The following CDH10 variants were observed in gnomAD, a reference collection of about 807,000 sequenced individuals.
The protein encoded by CDH10 is cadherin-10.
CDH10 carries 30 observed loss-of-function variants against 73.1 expected under a neutral mutation model. The ratio of observed to expected loss-of-function variants is 0.41; its 90% CI spans 0.31 to 0.56. CDH10 has a LOEUF of 0.56. CDH10 is among the 20% of genes least tolerant of loss of function. The probability of loss-of-function intolerance (pLI) is 0.27; values close to 1 mark genes in which losing one functional copy is unlikely to be tolerated. For synonymous variants in CDH10, 345 were observed against 348.2 expected (o/e 0.99, Z 0.10); for missense variants, 815 against 973.7 (o/e 0.84, Z 2.17).
At chr5:24,493,157 A>C (rs1367572410) in intron 9 of CDH10, among the ~76,000 whole-genome samples, 1 of 151,986 alleles carries the variant, frequency 6.6e-6, no homozygotes, top group African/African-American at 2.4e-5. Flanking sequence ...GGTAAATAAA[A>C]AATATATTAT....
chr5:24,487,903 G>A lies in CDH10; in HGVS notation c.2127C>T (p.Asp709=), dbSNP rs752982862. Residue 709 remains aspartate (D), a synonymous_variant, in exon 12 of 12, where the codon GAC becomes GAT. Transcript: ENST00000264463. The part of the protein sequence containing the change: ...RRTPTAPDNT[D]VRDFINERLK... ...GCCTTTCATTAATGAAATCCCGGAC[G>A]TCCGTGTTATCTGGAGCTGTAGGAG... 19 of 1,613,650 alleles carry A rather than the reference G, an allele frequency of 1.2e-5. No homozygotes were observed. In the East Asian group the frequency reaches 1.8e-4, roughly 15 times the overall value.
Position 24,548,113 on chromosome 5 carries a change from C to T in CDH10, c.232-10439G>A, listed in dbSNP as rs992946314. ...ACAGACTAGGCCACCACATGGGAAC[C>T]TCAGCAGGGTTTCTTTTCTCTTTTT... is the stretch of plus-strand genomic sequence containing the variant. On this transcript the variant is annotated intron_variant, in intron 2 of 11. Coordinates refer to ENST00000264463, the MANE Select transcript of CDH10 (RefSeq NM_006727.5). Among the ~76,000 whole-genome samples the T allele has an allele frequency of 2.6e-5, 4 of 152,074 alleles. No homozygotes were observed. In the East Asian group the frequency reaches 7.7e-4, roughly 29 times the overall value.
chr5:24,498,630 A>G lies in CDH10; in HGVS notation c.1394-111T>C. 7.3e-6 allele frequency: 5 copies of G among 680,760 alleles called. No homozygotes were observed. In the East Asian group the frequency reaches 1.0e-4, roughly 14 times the overall value. 42.2% of individuals were successfully genotyped at this position (680,760 alleles called of 1,614,324 possible). A position where few individuals can be genotyped will look rare whatever the true frequency, so the allele number is the denominator to read the frequency against. On this transcript the variant is annotated intron_variant, in intron 8 of 11. Transcript: ENST00000264463. ...TGCTCACATACAAATAAGCATTGCA[A>G]TCATTCTACTAATATAATGAGCAAA...
At chr5:24,515,543 G>A (rs1409820957) in intron 5 of CDH10, among the ~76,000 whole-genome samples, 1 of 152,122 alleles carries the variant, frequency 6.6e-6, no homozygotes, top group Non-Finnish European at 1.5e-5. Context: ...CTTATGTAAA[G>A]TTTAGTTTAT....
Position 24,585,359 on chromosome 5 carries a change from C to T in CDH10, c.231+7901G>A, listed in dbSNP as rs757430003. Among the ~76,000 whole-genome samples the T allele has an allele frequency of 3.3e-5, 5 of 152,268 alleles. No homozygotes were observed. In the South Asian group the frequency reaches 8.3e-4, roughly 25 times the overall value. Reference sequence around the variant, plus strand: ...ATCAATTCCTTGGAACGTTTTGCTTCTTTGGCCTCTAGAAGGGTCATAGTC... The same window carrying T: ...ATCAATTCCTTGGAACGTTTTGCTTTTTTGGCCTCTAGAAGGGTCATAGTC... On this transcript the variant is annotated intron_variant, in intron 2 of 11. Coordinates refer to ENST00000264463, the MANE Select transcript of CDH10 (RefSeq NM_006727.5).
chr5:24,526,751 A>C (rs931298409), intron 5 of CDH10, among the ~76,000 whole-genome samples: 1 of 151,856 alleles, frequency 6.6e-6, no homozygotes, highest in African/African-American at 2.4e-5. Context: ...CTATCAAAAT[A>C]ATTGGTCAAA....
chr5:24,504,822 C>A (rs1742645588), intron 8 of CDH10, among the ~76,000 whole-genome samples: 1 of 151,960 alleles, frequency 6.6e-6, no homozygotes, highest in African/African-American at 2.4e-5. Context: ...CCGTGCCCGG[C>A]CTGTTAATCT....
intron 9 of CDH10, among the ~76,000 whole-genome samples, chr5:24,494,447 A>G (rs1742187738): frequency 6.6e-6 from 1 of 151,986 alleles, no homozygotes; most frequent in Non-Finnish European, 1.5e-5. Flanking sequence ...AAGACAGTAG[A>G]CTACTAGAAA....
chr5:24,618,051 A>G (rs764942257), intron 1 of CDH10, among the ~76,000 whole-genome samples: 2 of 152,156 alleles, frequency 1.3e-5, no homozygotes, highest in East Asian at 1.9e-4. Flanking sequence ...AGAGTGTCCA[A>G]TTTCAATGTG....
At chr5:24,559,513 A>G (rs1473909863) in intron 2 of CDH10, among the ~76,000 whole-genome samples, 1 of 152,066 alleles carries the variant, frequency 6.6e-6, no homozygotes, top group Non-Finnish European at 1.5e-5. Flanking sequence ...TTCACACTGC[A>G]GTACTTTATG....
At chr5:24,506,831 G>A (rs144093645) in intron 7 of CDH10, among the ~76,000 whole-genome samples, 67 of 152,270 alleles carry the variant, frequency 4.4e-4, no homozygotes, top group South Asian at 1.5e-3. Flanking sequence ...CAATAAAAGC[G>A]TCTGCTGTCA....
At chr5:24,623,059 A>G (rs1362522124) in intron 1 of CDH10, among the ~76,000 whole-genome samples, 7 of 152,068 alleles carry the variant, frequency 4.6e-5, no homozygotes. Flanking sequence ...AAGGGAGAAA[A>G]TGCTATGCCT....
chr5:24,612,858 T>G (rs1472662474), intron 1 of CDH10: 2 of 152,184 alleles, frequency 1.3e-5, no homozygotes, highest in Non-Finnish European at 2.9e-5. Context: ...AAAATATTTG[T>G]GGTAATCAGA....
rs148177367 is a variant in CDH10, at chr5:24,524,776, G to A, written c.814+10336C>T. Among the ~76,000 whole-genome samples the A allele has an allele frequency of 3.9e-5, 6 of 152,164 alleles. No individual in the cohort carries two copies. In the East Asian group the frequency reaches 5.8e-4, roughly 15 times the overall value. ...AAGTAAAAATCTAGAAGGTAACATCGCAAAGAAAGCTTCCTAAGGACTGAG... is the reference window on the plus strand; with the variant it reads ...AAGTAAAAATCTAGAAGGTAACATCACAAAGAAAGCTTCCTAAGGACTGAG... On this transcript the variant is annotated intron_variant, in intron 5 of 11. Coordinates refer to ENST00000264463, the MANE Select transcript of CDH10 (RefSeq NM_006727.5).
At chr5:24,489,787 A>T (rs547995541) in intron 11 of CDH10, among the ~76,000 whole-genome samples, 4 of 152,100 alleles carry the variant, frequency 2.6e-5, no homozygotes, top group African/African-American at 4.8e-5. Context: ...GTTTGGGGGG[A>T]AAGTAAACCA....
At chr5:24,515,172 A>C (rs1242138902) in intron 5 of CDH10, among the ~76,000 whole-genome samples, 2 of 152,204 alleles carry the variant, frequency 1.3e-5, no homozygotes, top group Non-Finnish European at 2.9e-5. Context: ...CTTATGTGCT[A>C]ATAAAATTGA....
chr5:24,575,341 A>G (rs1374449528), intron 2 of CDH10, among the ~76,000 whole-genome samples: 1 of 128,942 alleles, frequency 7.8e-6, no homozygotes, highest in Non-Finnish European at 1.6e-5. Context: ...CAGCCTGGGC[A>G]ACAACAAAAA....
intron 2 of CDH10, among the ~76,000 whole-genome samples, chr5:24,586,840 A>ATTTTTT (rs1746023448): frequency 4.0e-5 from 4 of 100,604 alleles, no homozygotes; most frequent in African/African-American, 1.0e-4. Flanking sequence ...GATAGCCCAT[A>ATTTTTT]TTCTTTTTTT....
chr5:24,619,012 C>T (rs2319477), intron 1 of CDH10, among the ~76,000 whole-genome samples: 1 of 152,080 alleles, frequency 6.6e-6, no homozygotes, highest in Non-Finnish European at 1.5e-5. Context: ...CATAAAACAG[C>T]CATGACACTC....
Sources: gnomAD v4.1 joint callset for allele counts (sites outside exome capture counted in the v4.1 genomes callset) on GRCh38, gnomAD v4.1.1 for gene constraint, MANE v1.5 for transcripts, NCBI Gene and HGNC (gene_info 2026-07-23, HGNC 2026-07-21) for gene names.